The following PACRG variants were observed in gnomAD, a reference collection of about 807,000 sequenced individuals.
The protein encoded by PACRG is parkin coregulated gene protein.
In PACRG, 29 loss-of-function variants were observed where a neutral mutation model predicts 29.7. The observed-to-expected ratio is 0.98, with a 90% CI of 0.73 to 1.33. The LOEUF is 1.33. Ranked by LOEUF, PACRG falls within the 40% of genes most tolerant of loss-of-function variation. PACRG has a pLI of 0.00. For synonymous variants in PACRG, 116 were observed against 118.7 expected, an observed-to-expected ratio of 0.98 and a Z score of 0.15; for missense variants, 279 against 316.2, an observed-to-expected ratio of 0.88 and a Z score of 0.89.
chr6:163,252,283 C>T (rs1425436670), intron 4 of PACRG, among the ~76,000 whole-genome samples: 8 of 152,274 alleles, frequency 5.3e-5, no homozygotes, highest in African/African-American at 1.7e-4. Flanking sequence ...CGCTGACGCT[C>T]GGCCAGGCGC....
At chr6:162,927,809 G>GCAAA (rs35293286) in intron 2 of PACRG, among the ~76,000 whole-genome samples, 22,138 of 149,718 alleles carry the variant, frequency 0.15, 2,549 homozygotes, top group African/African-American at 0.33. Flanking sequence ...AAAAAGCAAA[G>GCAAA]CAAACAAACA....
chr6:162,751,772 A>C (rs1017186233), intron 1 of PACRG, among the ~76,000 whole-genome samples: 6 of 152,168 alleles, frequency 3.9e-5, no homozygotes, highest in African/African-American at 1.4e-4. Flanking sequence ...AATGTGGTAG[A>C]AGAACTGCTG....
chr6:162,787,758 T>G (rs1042123391), intron 1 of PACRG, among the ~76,000 whole-genome samples: 4 of 151,484 alleles, frequency 2.6e-5, no homozygotes, highest in African/African-American at 9.7e-5. Flanking sequence ...AAAACACCAA[T>G]TTAGAAGGAA....
At chr6:163,302,258 GT>G (rs67109124) in intron 4 of PACRG, among the ~76,000 whole-genome samples, 44,970 of 142,782 alleles carry the variant, frequency 0.31, 6,655 homozygotes, top group African/African-American at 0.35. Flanking sequence ...GTTTTTTTTT[GT>G]TTTTTTTTTT....
intron 2 of PACRG, among the ~76,000 whole-genome samples, chr6:163,021,640 A>G (rs1806631313): frequency 6.6e-6 from 1 of 151,820 alleles, no homozygotes; most frequent in Non-Finnish European, 1.5e-5. Context: ...GATGAACTCT[A>G]AGCTCCTGAC....
chr6:162,769,800 CTT>C (rs1332103727), intron 1 of PACRG, among the ~76,000 whole-genome samples: 4 of 149,728 alleles, frequency 2.7e-5, no homozygotes, highest in Non-Finnish European at 4.4e-5. Flanking sequence ...TATCAAAAGA[CTT>C]TTTTAAATCC....
chr6:162,745,226 C>A (rs1044672797), intron 1 of PACRG, among the ~76,000 whole-genome samples: 41 of 152,122 alleles, frequency 2.7e-4, no homozygotes, highest in Admixed American at 5.2e-4. Context: ...GAGATTGTAT[C>A]CTTTGCAAGG....
At chr6:163,121,940 G>A (rs1377207767) in intron 4 of PACRG, among the ~76,000 whole-genome samples, 1 of 152,042 alleles carries the variant, frequency 6.6e-6, no homozygotes, top group Non-Finnish European at 1.5e-5. Flanking sequence ...GGGATTACAG[G>A]TGTGAGCCAC....
intron 2 of PACRG, among the ~76,000 whole-genome samples, chr6:162,862,577 A>G (rs2128443072): frequency 6.6e-6 from 1 of 152,322 alleles, no homozygotes; most frequent in African/African-American, 2.4e-5. Context: ...CATCTTTATA[A>G]ACTGGGAGTA....
At chr6:162,744,415 A>G (rs888402196) in intron 1 of PACRG, among the ~76,000 whole-genome samples, 1 of 152,074 alleles carries the variant, frequency 6.6e-6, no homozygotes, top group Non-Finnish European at 1.5e-5. Flanking sequence ...TGGGAAACAT[A>G]GCCAGACCCC....
At chr6:162,801,940 A>G (rs1320394726) in intron 1 of PACRG, among the ~76,000 whole-genome samples, 8 of 152,204 alleles carry the variant, frequency 5.3e-5, no homozygotes, top group Non-Finnish European at 1.2e-4. Context: ...TTAAAATTGT[A>G]CAGAATTCAG....
At chr6:163,153,218 C>T (rs1165259908) in intron 4 of PACRG, among the ~76,000 whole-genome samples, 6 of 152,076 alleles carry the variant, frequency 3.9e-5, no homozygotes, top group Non-Finnish European at 8.8e-5. Flanking sequence ...AATTTTTAGT[C>T]TTTATGACTA....
Position 163,093,045 on chromosome 6 carries a change from C to T in PACRG, c.613+3637C>T, listed in dbSNP as rs148134623. ...TTGGCTCTAATTGCCAAATGCAGGGCGAGTGGCCAAATAAGTGAAAGACTC... is the reference window on the plus strand; with the variant it reads ...TTGGCTCTAATTGCCAAATGCAGGGTGAGTGGCCAAATAAGTGAAAGACTC... On this transcript the variant is annotated intron_variant, in intron 4 of 4. Coordinates refer to ENST00000366888, the MANE Select transcript of PACRG (RefSeq NM_001080379.2). 6.8e-3 allele frequency among the ~76,000 whole-genome samples: 1,040 copies of T among 152,180 alleles called. 11 individuals carry two copies. Among genetic ancestry groups the T allele is most frequent in the African/African-American group, 0.024 (985 of 41,504 alleles).
chr6:163,295,414 G>C (rs1230372441), intron 4 of PACRG, among the ~76,000 whole-genome samples: 1 of 152,202 alleles, frequency 6.6e-6, no homozygotes, highest in Non-Finnish European at 1.5e-5. Flanking sequence ...GAAGCAGACT[G>C]TAAGGGAAAC....
At chr6:163,297,211 A>G (rs1230054900) in intron 4 of PACRG, among the ~76,000 whole-genome samples, 1 of 152,230 alleles carries the variant, frequency 6.6e-6, no homozygotes, top group African/African-American at 2.4e-5. Context: ...AGGGTGAACA[A>G]AATCACCAGA....
intron 3 of PACRG, among the ~76,000 whole-genome samples, chr6:163,067,170 T>C (rs1329417667): frequency 6.6e-6 from 1 of 152,194 alleles, no homozygotes; most frequent in Non-Finnish European, 1.5e-5. Context: ...TCAGTATGCA[T>C]CCGCGGACCT....
At chr6:162,894,153 C>G (rs143494939) in intron 2 of PACRG, among the ~76,000 whole-genome samples, 2 of 152,168 alleles carry the variant, frequency 1.3e-5, no homozygotes, top group Non-Finnish European at 2.9e-5. Flanking sequence ...ATGACTAAAA[C>G]TGCTGATGAA....
chr6:162,769,901 T>G (rs1051984437), intron 1 of PACRG, among the ~76,000 whole-genome samples: 1 of 152,102 alleles, frequency 6.6e-6, no homozygotes, highest in Non-Finnish European at 1.5e-5. Context: ...ATTGATTACA[T>G]TAAAGTGATA....
At chr6:162,771,304 CT>C (rs1302948767) in intron 1 of PACRG, among the ~76,000 whole-genome samples, 1 of 152,158 alleles carries the variant, frequency 6.6e-6, no homozygotes, top group Non-Finnish European at 1.5e-5. Context: ...TTTTGATGAT[CT>C]TTTCACATAA....
Sources: allele counts gnomAD v4.1 joint callset (sites outside exome capture counted in the v4.1 genomes callset), GRCh38; gene constraint gnomAD v4.1.1; transcripts MANE v1.5; gene names NCBI Gene and HGNC (gene_info 2026-07-23, HGNC 2026-07-21).